SETD3: variants seen among roughly 807,000 people sequenced by gnomAD.
SETD3 encodes the protein SET domain containing 3, actin N3(tau)-histidine methyltransferase.
A neutral mutation model predicts 63.0 loss-of-function variants in SETD3; 19 were observed. That is an observed-to-expected ratio of 0.30 (90% CI 0.21 to 0.44). The LOEUF (loss-of-function observed/expected upper bound fraction) is 0.44, where lower values mean the gene tolerates loss of function less well. Among genes scored for constraint, SETD3 ranks in the 20% least tolerant of loss-of-function variants. The pLI is 1.00. For missense variants in SETD3, 587 were observed against 728.5 expected, an observed-to-expected ratio of 0.81 and a Z score of 2.24; for synonymous variants, 286 against 264.1, an observed-to-expected ratio of 1.08 and a Z score of -0.80.
chr14:99,443,838 T>C (rs566519110), intron 6 of SETD3, among the ~76,000 whole-genome samples: 1 of 152,174 alleles, frequency 6.6e-6, no homozygotes, highest in Non-Finnish European at 1.5e-5. Context: ...GCTTTCTAAC[T>C]ATATAGTCTT....
intron 6 of SETD3, among the ~76,000 whole-genome samples, chr14:99,425,914 A>C (rs1438002255): frequency 6.6e-6 from 1 of 152,222 alleles, no homozygotes; most frequent in African/African-American, 2.4e-5. Flanking sequence ...TTAAGACTCT[A>C]TGCTCAGCAA....
chr14:99,421,735 A>G (rs774088012), intron 6 of SETD3, among the ~76,000 whole-genome samples: 2 of 152,196 alleles, frequency 1.3e-5, no homozygotes, highest in African/African-American at 2.4e-5. Flanking sequence ...TATTAGCCTC[A>G]TTCTACAGAT....
chr14:99,443,255 A>AATTTTTTTTTTTTTTTTTTTTTT, intron 6 of SETD3, among the ~76,000 whole-genome samples: 1 of 108,800 alleles, frequency 9.2e-6, no homozygotes, highest in Non-Finnish European at 1.8e-5. Flanking sequence ...CTGAACTCCC[A>AATTTTTTTTTTTTTTTTTTTTTT]TTTTTTTTTT....
chr14:99,451,758 C>T (rs1213026904), intron 6 of SETD3, among the ~76,000 whole-genome samples: 1 of 152,092 alleles, frequency 6.6e-6, no homozygotes, highest in Non-Finnish European at 1.5e-5. Context: ...CCTCCCACTT[C>T]AGACTCCCAA....
intron 11 of SETD3, among the ~76,000 whole-genome samples, chr14:99,403,167 T>A (rs918565913): frequency 2.0e-5 from 3 of 152,064 alleles, no homozygotes; most frequent in African/African-American, 7.2e-5. Context: ...GGGACTAGGT[T>A]TTTTCTGCCT....
In SETD3 at chr14:99,458,327, C is replaced by T. The variant is rs1378414406; in HGVS notation, c.627G>A (p.Gln209=). The T allele has an allele frequency of 6.2e-7, 1 of 1,614,000 alleles. No individual in the cohort carries two copies. Among genetic ancestry groups the T allele is most frequent in the Non-Finnish European group, 8.5e-7 (1 of 1,180,028 alleles). ...STQAIHDVFS[Q]YKNTARQYAY... ...CGTACTGTCGAGCTGTGTTTTTATACTGGCTGAAGACATCATGTATAGCTT... is the reference window on the plus strand; with the variant it reads ...CGTACTGTCGAGCTGTGTTTTTATATTGGCTGAAGACATCATGTATAGCTT... Residue 209 remains glutamine, a synonymous_variant, in exon 6 of 13, where the codon CAG becomes CAA. Coordinates refer to ENST00000331768, the MANE Select transcript of SETD3 (RefSeq NM_032233.3).
chr14:99,481,252 A>AGCC, upstream of SETD3: 2 of 395,722 alleles, frequency 5.1e-6, no homozygotes, highest in African/African-American at 2.1e-5. Context: ...TGTAAGCAGC[A>AGCC]GCCACTGACC....
intron 8 of SETD3, chr14:99,410,297 G>C: frequency 6.2e-7 from 1 of 1,603,822 alleles, no homozygotes. Flanking sequence ...GGAGAGACTT[G>C]TCTGCTATTG....
chr14:99,413,132 T>G (rs1438855307), intron 7 of SETD3, 67 bp from the exon 8 acceptor site: 1 of 891,478 alleles, frequency 1.1e-6, no homozygotes, highest in Non-Finnish European at 1.8e-6. Flanking sequence ...AGAAATAACA[T>G]AACCAAAAAT....
At chr14:99,406,725 G>C in intron 8 of SETD3, 135 bp from the exon 9 acceptor site, 1 of 773,518 alleles carries the variant, frequency 1.3e-6, no homozygotes, top group Non-Finnish European at 2.2e-6. Flanking sequence ...TGAATGCTTT[G>C]GAAAATGGGG....
intron 6 of SETD3, among the ~76,000 whole-genome samples, chr14:99,417,956 A>G (rs1892370107): frequency 6.6e-6 from 1 of 152,216 alleles, no homozygotes; most frequent in Admixed American, 6.5e-5. Flanking sequence ...CATTTCCCAA[A>G]ATCAGATATT....
intron 6 of SETD3, among the ~76,000 whole-genome samples, chr14:99,435,289 T>C (rs913252665): frequency 2.6e-5 from 4 of 152,230 alleles, no homozygotes; most frequent in African/African-American, 9.6e-5. Context: ...ATTTGACTCT[T>C]TCCTGCCTCT....
chr14:99,405,034 C>A lies in SETD3; in HGVS notation c.1091+171G>T, dbSNP rs770298084. On this transcript the variant is annotated intron_variant, in intron 10 of 12. Transcript: ENST00000331768. ...CGACACAATTATGTTTACCTGAAAA[C>A]GCTGGTAAGCCACCAAGCGTCGCCA... Among the ~76,000 whole-genome samples the A allele has an allele frequency of 7.2e-5, 11 of 152,318 alleles. 1 individual carries two copies. Among genetic ancestry groups the A allele is most frequent in the Admixed American group, 5.9e-4 (9 of 15,292 alleles).
rs369180169 is a variant in SETD3, at chr14:99,467,158, G to A, written c.-8-1345C>T. 2.6e-5 allele frequency among the ~76,000 whole-genome samples: 4 copies of A among 152,234 alleles called. No individual in the cohort carries two copies. In the South Asian group the frequency reaches 8.3e-4, roughly 32 times the overall value. ...GTGTATCTTCTCTTATGTATCTAAC[G>A]TATAAAGAATAATGTGTAACACATT... On this transcript the variant is annotated intron_variant, in intron 1 of 12. Coordinates refer to ENST00000331768, the MANE Select transcript of SETD3 (RefSeq NM_032233.3).
In SETD3 at chr14:99,424,175, T is replaced by C. The variant is rs374599976; in HGVS notation, c.676-10241A>G. Among the ~76,000 whole-genome samples the C allele has an allele frequency of 7.9e-5, 12 of 152,354 alleles. No homozygotes were observed. The East Asian group carries it at 2.3e-3, about 29-fold the overall frequency. ...GACTGACTTAAGCTATCTTTTACTATAAGATGTTTGACTATAGTCATAGAT... is the reference window on the plus strand; with the variant it reads ...GACTGACTTAAGCTATCTTTTACTACAAGATGTTTGACTATAGTCATAGAT... On this transcript the variant is annotated intron_variant, in intron 6 of 12. Coordinates refer to ENST00000331768, the MANE Select transcript of SETD3 (RefSeq NM_032233.3).
intron 7 of SETD3, among the ~76,000 whole-genome samples, chr14:99,413,612 C>G (rs573277712): frequency 6.6e-6 from 1 of 152,316 alleles, no homozygotes; most frequent in South Asian, 2.1e-4. Context: ...TAGGACCACC[C>G]AACACTAATG....
In SETD3 at chr14:99,398,675, C is replaced by T. The variant is rs750838124; in HGVS notation, c.*4G>A. On this transcript the variant is annotated 3_prime_UTR_variant, in exon 13 of 13. Transcript: ENST00000331768. The stretch of plus-strand genomic sequence containing the variant: ...CTGGATCCCCCATCCAGCTTCACCT[C>T]GAGCTACTCCTTAACTCCAGCAGTG... 9.3e-6 allele frequency: 15 copies of T among 1,610,432 alleles called. No homozygotes were observed. Among genetic ancestry groups the T allele is most frequent in the East Asian group, 2.2e-5 (1 of 44,828 alleles).
intron 1 of SETD3, among the ~76,000 whole-genome samples, chr14:99,467,842 C>A (rs371227244): frequency 6.6e-6 from 1 of 152,156 alleles, no homozygotes; most frequent in African/African-American, 2.4e-5. Flanking sequence ...AGGCTCTATT[C>A]GCTCTGCCTG....
At position 99,402,949 on chromosome 14, in the gene SETD3, T is replaced by C. The variant is rs113502500; in HGVS notation, c.1177+1276A>G. On this transcript the variant is annotated intron_variant, in intron 11 of 12. Transcript: ENST00000331768. Reference sequence around the variant, plus strand: ...ACATGAACTGCAACATTCAATTCTGTATCCATATATATGCAAGAAAAGCTC... The same window carrying C: ...ACATGAACTGCAACATTCAATTCTGCATCCATATATATGCAAGAAAAGCTC... Among the ~76,000 whole-genome samples the C allele has an allele frequency of 7.8e-3, 1,194 of 152,324 alleles. 14 individuals carry two copies. The highest frequency in any genetic ancestry group is 0.027 in the African/African-American group (1,123 of 41,566).
Sources: allele counts gnomAD v4.1 joint callset (sites outside exome capture counted in the v4.1 genomes callset), GRCh38; gene constraint gnomAD v4.1.1; transcripts MANE v1.5; gene names NCBI Gene and HGNC (gene_info 2026-07-23, HGNC 2026-07-21).